The following CAMK1D variants were observed in gnomAD, a reference collection of about 807,000 sequenced individuals.
CAMK1D encodes the protein calcium/calmodulin-dependent protein kinase type 1D.
Under a neutral mutation model 47.7 loss-of-function variants are expected in CAMK1D, and 9 were observed. That is an observed-to-expected ratio of 0.19 (90% confidence interval 0.11 to 0.33). The LOEUF (loss-of-function observed/expected upper bound fraction) is 0.33. Ranked by LOEUF, CAMK1D falls within the 10% of genes least tolerant of loss-of-function variation. The probability of loss-of-function intolerance (pLI) is 1.00; values close to 1 mark genes in which losing one functional copy is unlikely to be tolerated. For missense variants in CAMK1D, 291 were observed against 488.7 expected, an observed-to-expected ratio of 0.60 and a Z score of 3.81; for synonymous variants, 184 against 184.9, an observed-to-expected ratio of 0.99 and a Z score of 0.04.
chr10:12,532,302 C>T (rs1318850218), intron 1 of CAMK1D, among the ~76,000 whole-genome samples: 7 of 147,982 alleles, frequency 4.7e-5, no homozygotes, highest in East Asian at 2.0e-4. Flanking sequence ...TTTTTTGAGA[C>T]GGAGTCTCGC....
chr10:12,737,154 C>T (rs993159847), intron 3 of CAMK1D, among the ~76,000 whole-genome samples: 2 of 152,136 alleles, frequency 1.3e-5, no homozygotes, highest in Non-Finnish European at 2.9e-5. Flanking sequence ...CCCTCGCCCC[C>T]ATCCATCAGC....
intron 2 of CAMK1D, among the ~76,000 whole-genome samples, chr10:12,626,054 TA>T (rs957531666): frequency 1.3e-5 from 2 of 152,240 alleles, no homozygotes; most frequent in Non-Finnish European, 2.9e-5. Flanking sequence ...ACCATCTCTG[TA>T]ATCTTTAATT....
At chr10:12,791,019 A>G in intron 5 of CAMK1D, 139 bp from the exon 6 acceptor site, 1 of 681,786 alleles carries the variant, frequency 1.5e-6, no homozygotes, top group South Asian at 1.9e-5. Flanking sequence ...AAAAAAAGCC[A>G]ACACATAAAA....
intron 1 of CAMK1D, among the ~76,000 whole-genome samples, chr10:12,401,760 A>G (rs1839233442): frequency 1.3e-5 from 2 of 152,008 alleles, no homozygotes; most frequent in African/African-American, 4.8e-5. Context: ...CTGGTAGACC[A>G]GCTTTGGTCC....
Position 12,600,116 on chromosome 10 carries a change from A to G in CAMK1D, c.224+46760A>G, listed in dbSNP as rs565156447. ...TGGGACCTTGTCTCAAATTACGAAG[A>G]GAGAGGGAAGGAGGGTGGGAAGAAG... On this transcript the variant is annotated intron_variant, in intron 2 of 10. Transcript: ENST00000619168. 2.6e-5 allele frequency among the ~76,000 whole-genome samples: 4 copies of G among 152,262 alleles called. No individual in the cohort carries two copies. The South Asian group carries it at 8.3e-4, about 32-fold the overall frequency.
At chr10:12,390,557 A>G (rs1838686646) in intron 1 of CAMK1D, among the ~76,000 whole-genome samples, 1 of 152,126 alleles carries the variant, frequency 6.6e-6, no homozygotes, top group Non-Finnish European at 1.5e-5. Context: ...TCAAGATCCT[A>G]CAACTAGTTG....
At chr10:12,583,802 C>T (rs1376343889) in intron 2 of CAMK1D, among the ~76,000 whole-genome samples, 4 of 151,964 alleles carry the variant, frequency 2.6e-5, no homozygotes, top group South Asian at 2.1e-4. Flanking sequence ...GGTTTCACCA[C>T]GTTGGCCAGG....
At chr10:12,758,831 G>A (rs1197492287) in intron 3 of CAMK1D, among the ~76,000 whole-genome samples, 2 of 152,176 alleles carry the variant, frequency 1.3e-5, no homozygotes, top group African/African-American at 4.8e-5. Flanking sequence ...TCATCCAGCA[G>A]TTGCAGAGGA....
At chr10:12,368,166 T>C (rs1474856714) in intron 1 of CAMK1D, among the ~76,000 whole-genome samples, 1 of 148,748 alleles carries the variant, frequency 6.7e-6, no homozygotes, top group African/African-American at 2.5e-5. Flanking sequence ...CAGTCCGCAG[T>C]CCGGCCTGGG....
rs201637786 is a variant in CAMK1D, at chr10:12,666,722, A to T, written c.225-14A>T. On this transcript the variant is annotated splice_polypyrimidine_tract_variant and intron_variant, in intron 2 of 10. Transcript: ENST00000619168. Reference sequence around the variant, plus strand: ...ATCATACTCACTATTTTGTGCGTCTATTTTTTTTTTCAGGATTAAGCATGA... The same window carrying T: ...ATCATACTCACTATTTTGTGCGTCTTTTTTTTTTTTCAGGATTAAGCATGA... 2.1e-5 allele frequency: 29 copies of T among 1,408,046 alleles called. No homozygotes were observed. The East Asian group carries it at 6.2e-4, about 30-fold the overall frequency. 87.2% of individuals were successfully genotyped at this position (1,408,046 alleles called of 1,614,324 possible). A position where few individuals can be genotyped will look rare whatever the true frequency, so the allele number is the denominator to read the frequency against.
intron 1 of CAMK1D, among the ~76,000 whole-genome samples, chr10:12,513,708 G>A (rs574497877): frequency 6.6e-6 from 1 of 152,236 alleles, no homozygotes; most frequent in South Asian, 2.1e-4. Flanking sequence ...GGCTGAGGTG[G>A]GAGGATCACT....
intron 10 of CAMK1D, among the ~76,000 whole-genome samples, chr10:12,828,567 G>T (rs1403562789): frequency 1.3e-5 from 2 of 151,942 alleles, no homozygotes; most frequent in African/African-American, 2.4e-5. Flanking sequence ...CTTGAACCTG[G>T]CAGGCAGAGG....
intron 3 of CAMK1D, among the ~76,000 whole-genome samples, chr10:12,688,351 TC>T (rs1832738444): frequency 6.6e-6 from 1 of 152,060 alleles, no homozygotes; most frequent in African/African-American, 2.4e-5. Flanking sequence ...TCTGCTTTCA[TC>T]CCCAAAAAAC....
chr10:12,690,677 G>A (rs1289696650), intron 3 of CAMK1D, among the ~76,000 whole-genome samples: 1 of 152,182 alleles, frequency 6.6e-6, no homozygotes, highest in Non-Finnish European at 1.5e-5. Context: ...TAAGGTCTGT[G>A]ACTGTTTATG....
At chr10:12,555,221 C>G (rs992246107) in intron 2 of CAMK1D, among the ~76,000 whole-genome samples, 1 of 152,218 alleles carries the variant, frequency 6.6e-6, no homozygotes, top group Non-Finnish European at 1.5e-5. Context: ...GCCCACTCCT[C>G]TCTTACTGGG....
chr10:12,806,460 C>A (rs116862167), intron 6 of CAMK1D, among the ~76,000 whole-genome samples: 2,319 of 152,338 alleles, frequency 0.015, 17 homozygotes, highest in African/African-American at 0.029. Context: ...TCAGACTGCT[C>A]TCTCTTCCCT....
At chr10:12,651,120 C>T (rs1173046046) in intron 2 of CAMK1D, among the ~76,000 whole-genome samples, 63 of 152,178 alleles carry the variant, frequency 4.1e-4, no homozygotes. Flanking sequence ...TACCCCTCCA[C>T]TGTTTTCAGC....
At chr10:12,715,033 A>G (rs993755796) in intron 3 of CAMK1D, among the ~76,000 whole-genome samples, 1 of 152,154 alleles carries the variant, frequency 6.6e-6, no homozygotes, top group African/African-American at 2.4e-5. Flanking sequence ...CTACTCTGCT[A>G]TGGAACATTA....
intron 6 of CAMK1D, among the ~76,000 whole-genome samples, chr10:12,793,501 C>T (rs181769883): frequency 7.5e-4 from 114 of 152,322 alleles, no homozygotes; most frequent in Non-Finnish European, 1.2e-3. Flanking sequence ...CAGGCTGCTA[C>T]AACAAAATGC....
Sources: gnomAD v4.1 joint callset for allele counts (sites outside exome capture counted in the v4.1 genomes callset) on GRCh38, gnomAD v4.1.1 for gene constraint, MANE v1.5 for transcripts, NCBI Gene and HGNC (gene_info 2026-07-23, HGNC 2026-07-21) for gene names.